Variants in PCDH9 observed in about 807,000 individuals in gnomAD.
PCDH9 encodes the protein protocadherin 9, also known as protocadherin-9.
Under a neutral mutation model 70.6 loss-of-function variants are expected in PCDH9, and 24 were observed. That is an observed-to-expected ratio of 0.34 (90% CI 0.25 to 0.48). The LOEUF (loss-of-function observed/expected upper bound fraction) is 0.48, where lower values mean the gene tolerates loss of function less well. PCDH9 is among the 20% of genes least tolerant of loss of function. PCDH9 has a pLI of 0.99. For missense variants in PCDH9, 1,281 were observed against 1,503.6 expected, an observed-to-expected ratio of 0.85 and a Z score of 2.45; for synonymous variants, 562 against 558.5, an observed-to-expected ratio of 1.01 and a Z score of -0.09.
intron 4 of PCDH9, among the ~76,000 whole-genome samples, chr13:66,311,364 C>G (rs567219162): frequency 7.7e-4 from 82 of 106,316 alleles, no homozygotes; most frequent in African/African-American, 2.3e-3. Flanking sequence ...TTCTCTCTCT[C>G]TCTGTGTGTG....
intron 4 of PCDH9, among the ~76,000 whole-genome samples, chr13:66,560,071 T>A (rs1961939950): frequency 6.6e-6 from 1 of 151,996 alleles, no homozygotes; most frequent in South Asian, 2.1e-4. Flanking sequence ...GGAAAGGCTG[T>A]CTCCTGCATG....
chr13:66,603,801 T>G (rs951068712), intron 4 of PCDH9, among the ~76,000 whole-genome samples: 5 of 152,040 alleles, frequency 3.3e-5, no homozygotes, highest in African/African-American at 1.2e-4. Context: ...TAAGACTTTG[T>G]TATGTAATTA....
rs76826234 is a variant in PCDH9, at chr13:66,680,840, A to G, written c.3139-49429T>C. 5.6e-4 allele frequency among the ~76,000 whole-genome samples: 85 copies of G among 152,182 alleles called. No individual in the cohort carries two copies. In the East Asian group the frequency reaches 0.015, roughly 27 times the overall value. On this transcript the variant is annotated intron_variant, in intron 3 of 4. Coordinates refer to ENST00000377865, the MANE Select transcript of PCDH9 (RefSeq NM_203487.3). ...GTTATGTTTTATAAATGCTCTTGCA[A>G]CCAATATCATCCAACAAAAAGAGAA... is the stretch of plus-strand genomic sequence containing the variant.
At chr13:66,453,455 C>T (rs1452763848) in intron 4 of PCDH9, among the ~76,000 whole-genome samples, 1 of 152,138 alleles carries the variant, frequency 6.6e-6, no homozygotes, top group East Asian at 1.9e-4. Context: ...TTTCTTTTTG[C>T]AGGTCCCCAG....
chr13:66,841,436 C>G (rs527911244), intron 3 of PCDH9, among the ~76,000 whole-genome samples: 2 of 152,194 alleles, frequency 1.3e-5, no homozygotes, highest in African/African-American at 4.8e-5. Flanking sequence ...AAAATAAATT[C>G]TTTTCTCACA....
intron 3 of PCDH9, among the ~76,000 whole-genome samples, chr13:66,711,337 G>T (rs1395455463): frequency 6.6e-6 from 1 of 151,150 alleles, no homozygotes; most frequent in East Asian, 1.9e-4. Flanking sequence ...TTCCAAGTTT[G>T]TGTACTAACT....
intron 3 of PCDH9, among the ~76,000 whole-genome samples, chr13:66,747,552 T>C (rs2079389985): frequency 6.6e-6 from 1 of 152,170 alleles, no homozygotes; most frequent in Non-Finnish European, 1.5e-5. Context: ...ATACATGAAA[T>C]GCAACTTCTG....
At chr13:66,957,105 C>T (rs1431295567) in intron 2 of PCDH9, among the ~76,000 whole-genome samples, 2 of 152,168 alleles carry the variant, frequency 1.3e-5, no homozygotes, top group Non-Finnish European at 2.9e-5. Context: ...AGGTTTTTAT[C>T]TCCCTTACTT....
At chr13:66,336,637 A>C (rs1956042516) in intron 4 of PCDH9, among the ~76,000 whole-genome samples, 1 of 152,092 alleles carries the variant, frequency 6.6e-6, no homozygotes, top group African/African-American at 2.4e-5. Context: ...ACAATAAATG[A>C]GTTTGCTATG....
intron 4 of PCDH9, among the ~76,000 whole-genome samples, chr13:66,535,588 T>C (rs1960663231): frequency 6.6e-6 from 1 of 152,048 alleles, no homozygotes; most frequent in Non-Finnish European, 1.5e-5. Flanking sequence ...TGTTTTGAAT[T>C]GCCACTTTCC....
At chr13:67,174,322 C>T (rs573957726) in intron 2 of PCDH9, among the ~76,000 whole-genome samples, 1 of 144,476 alleles carries the variant, frequency 6.9e-6, no homozygotes, top group African/African-American at 2.5e-5. Flanking sequence ...TAGATACATA[C>T]ATACATACAT....
At chr13:67,155,565 G>GT (rs2087788481) in intron 2 of PCDH9, among the ~76,000 whole-genome samples, 1 of 152,150 alleles carries the variant, frequency 6.6e-6, no homozygotes, top group African/African-American at 2.4e-5. Context: ...TGCTTGATGT[G>GT]TTCCATGACG....
intron 4 of PCDH9, among the ~76,000 whole-genome samples, chr13:66,590,771 G>T (rs2077028912): frequency 6.6e-6 from 1 of 151,724 alleles, no homozygotes; most frequent in African/African-American, 2.4e-5. Context: ...AAGAGTAAGT[G>T]CACGTCTTTA....
intron 4 of PCDH9, among the ~76,000 whole-genome samples, chr13:66,605,336 T>C (rs561204419): frequency 9.9e-5 from 15 of 152,278 alleles, no homozygotes; most frequent in African/African-American, 3.6e-4. Context: ...ACAAGTAATA[T>C]ATGTTGATTA....
rs185628696 is a variant in PCDH9, at chr13:66,944,557, T to C, written c.3037-40952A>G. Among the ~76,000 whole-genome samples the C allele has an allele frequency of 2.0e-5, 3 of 152,264 alleles. No homozygotes were observed. In the East Asian group the frequency reaches 5.8e-4, roughly 29 times the overall value. On this transcript the variant is annotated intron_variant, in intron 2 of 4. Coordinates refer to ENST00000377865, the MANE Select transcript of PCDH9 (RefSeq NM_203487.3). The stretch of plus-strand genomic sequence containing the variant: ...GCTAAGAATTATCTGAGTGTAGAGT[T>C]TGGAAGGGGATGTGGTCATGAAAAG...
intron 4 of PCDH9, among the ~76,000 whole-genome samples, chr13:66,570,596 A>T (rs1172067636): frequency 1.3e-5 from 2 of 152,148 alleles, no homozygotes; most frequent in Non-Finnish European, 2.9e-5. Context: ...TCAATCTTCA[A>T]TTATATCTAT....
Position 67,226,094 on chromosome 13 carries a change from A to G in PCDH9, c.2347T>C (p.Tyr783His), listed in dbSNP as rs2089862022. 6.2e-7 allele frequency: 1 copy of G among 1,614,104 alleles called. No homozygotes were observed. ...GTCCTGCGGATCAAGTCATAGATAT[A>G]GGAGGCATTTCCAGCAGTGTCGTTA... ...YVNDTAGNAS[Y>H]IYDLIRRTME... Residue 783 changes from tyrosine (Y) to histidine (H), a missense_variant, in exon 2 of 5, where the codon TAT becomes CAT. Tyr to His is a moderately conservative substitution (Grantham distance 83). Coordinates refer to ENST00000377865, the MANE Select transcript of PCDH9 (RefSeq NM_203487.3). This position sits in a 1 kb window ranked among gnomAD's most constrained non-coding sequence, Gnocchi z 5.0.
chr13:67,109,897 C>T (rs2086621095), intron 2 of PCDH9, among the ~76,000 whole-genome samples: 1 of 151,868 alleles, frequency 6.6e-6, no homozygotes, highest in Non-Finnish European at 1.5e-5. Flanking sequence ...GAAAATATAC[C>T]TCTTGAAGTG....
intron 3 of PCDH9, among the ~76,000 whole-genome samples, chr13:66,847,373 A>T (rs1034552349): frequency 8.5e-5 from 13 of 152,208 alleles, no homozygotes; most frequent in African/African-American, 3.1e-4. Flanking sequence ...TATGAGGGGG[A>T]TGTGTTCTAA....
Sources: gnomAD v4.1 joint callset for allele counts (sites outside exome capture counted in the v4.1 genomes callset) on GRCh38, gnomAD v4.1.1 for gene constraint, Gnocchi (gnomAD v3.1) non-coding constraint, MANE v1.5 for transcripts, NCBI Gene and HGNC (gene_info 2026-07-23, HGNC 2026-07-21) for gene names.